The following ADAR variants were observed in gnomAD, a reference collection of about 807,000 sequenced individuals.
ADAR encodes the protein adenosine deaminase RNA specific.
Under a neutral mutation model 113.2 loss-of-function variants are expected in ADAR, and 41 were observed. That is an observed-to-expected ratio of 0.36 (90% CI 0.28 to 0.47). The LOEUF (loss-of-function observed/expected upper bound fraction) is 0.47. ADAR is among the 20% of genes least tolerant of loss of function. ADAR has a pLI of 1.00. For missense variants in ADAR, 1,242 were observed against 1,540.9 expected, an observed-to-expected ratio of 0.81 and a Z score of 3.25; for synonymous variants, 605 against 572.6, an observed-to-expected ratio of 1.06 and a Z score of -0.81.
upstream of ADAR, among the ~76,000 whole-genome samples, chr1:154,612,358 G>C (rs9427101): frequency 0.99 from 135,376 of 136,218 alleles, 67,272 homozygotes; most frequent in East Asian, 1. Flanking sequence ...GATGGAGTCT[G>C]GCTCTGTCAC....
At chr1:154,597,699 G>A (rs1697592665) in intron 4 of ADAR, 129 bp downstream of exon 4, 2 of 1,263,782 alleles carry the variant, frequency 1.6e-6, no homozygotes, top group Admixed American at 1.8e-5. Context: ...GGACCTCAGA[G>A]CCCTCCTTTC....
chr1:154,586,222 G>A lies in ADAR; in HGVS notation c.3161C>T (p.Thr1054Ile). The A allele has an allele frequency of 6.2e-7, 1 of 1,614,232 alleles. No homozygotes were observed. The highest frequency in any genetic ancestry group is 8.5e-7 in the Non-Finnish European group (1 of 1,180,044). Residue 1054 changes from threonine (T) to isoleucine (I), a missense_variant, in exon 12 of 15, where the codon ACC becomes ATC. Physicochemically the swap from Thr to Ile is moderately conservative, Grantham distance 89. Coordinates refer to ENST00000368474, the MANE Select transcript of ADAR (RefSeq NM_001111.5). ...NVLGLQGALLTHFLQPIYLKS... is the reference protein window; with the variant it reads ...NVLGLQGALLIHFLQPIYLKS... ...GAGATAAATGGGCTGCAGGAAGTGG[G>A]TCAACAGTGCCCCTTGCAGGCCCAG...
At chr1:154,623,793 A>T (rs1201869880) in intron 1 of ADAR, among the ~76,000 whole-genome samples, 1 of 152,132 alleles carries the variant, frequency 6.6e-6, no homozygotes, top group Non-Finnish European at 1.5e-5. Context: ...ACCTGAGGTC[A>T]GGAGTTCAAG....
At chr1:154,597,304 G>A (rs781339175) in intron 4 of ADAR, 37 bp from the exon 5 acceptor site, 1 of 1,613,336 alleles carries the variant, frequency 6.2e-7, no homozygotes, top group Admixed American at 1.7e-5. Flanking sequence ...GATTAAAATG[G>A]TTTTGACTGA....
intron 6 of ADAR, among the ~76,000 whole-genome samples, chr1:154,594,416 CCT>C (rs764591177): frequency 5.3e-5 from 8 of 152,196 alleles, no homozygotes; most frequent in Non-Finnish European, 8.8e-5. Flanking sequence ...TCACCTCTCC[CCT>C]CACTTTACAC....
intron 11 of ADAR, 38 bp from the exon 12 acceptor site, chr1:154,586,401 T>C (rs1247493785): frequency 1.9e-6 from 3 of 1,606,610 alleles, no homozygotes; most frequent in Middle Eastern, 3.9e-4. Flanking sequence ...CAGGCGCCAA[T>C]GGACCAAACC....
In ADAR at chr1:154,602,601, G is replaced by A. The variant is rs1367057702; in HGVS notation, c.41C>T (p.Thr14Ile). 2 of 1,614,130 alleles carry A rather than the reference G, an allele frequency of 1.2e-6. No homozygotes were observed. The highest frequency in any genetic ancestry group is 1.3e-5 in the African/African-American group (1 of 75,076). ...GTGCTCATAGCCTTGAAATGGATGGGTGTAGTATCCGCTGAGGGAATACCC... is the reference window on the plus strand; with the variant it reads ...GTGCTCATAGCCTTGAAATGGATGGATGTAGTATCCGCTGAGGGAATACCC... ...RQGYSLSGYY[T>I]HPFQGYEHRQ... The change falls in exon 2 of 15, where the codon ACC becomes ATC. Residue 14 changes from threonine to isoleucine, a missense_variant. By Grantham distance (89) the Thr-to-Ile change is moderately conservative. Coordinates refer to ENST00000368474, the MANE Select transcript of ADAR (RefSeq NM_001111.5).
rs78433898 is a variant in ADAR, at chr1:154,602,643, T to C, written c.16-17A>G. The C allele has an allele frequency of 4.3e-6, 7 of 1,612,774 alleles. No homozygotes were observed. The highest frequency in any genetic ancestry group is 3.3e-5 in the Admixed American group (2 of 59,986). Reference sequence around the variant, plus strand: ...GGAATACCCCTGCAGAATAAGACAGTGGAAAAAGAAAATGAATTAGGGCTG... The same window carrying C: ...GGAATACCCCTGCAGAATAAGACAGCGGAAAAAGAAAATGAATTAGGGCTG... On this transcript the variant is annotated splice_polypyrimidine_tract_variant and intron_variant, in intron 1 of 14. Transcript: ENST00000368474.
intron 7 of ADAR, 46 bp downstream of exon 7, chr1:154,590,138 A>AGGGGGGGGGGGGGG: frequency 2.6e-6 from 3 of 1,173,768 alleles, no homozygotes; most frequent in Non-Finnish European, 1.2e-6. Flanking sequence ...AGGAGTTAGG[A>AGGGGGGGGGGGGGG]GGACCCCCCC....
At chr1:154,622,069 G>A (rs960613172) in intron 1 of ADAR, among the ~76,000 whole-genome samples, 11 of 152,162 alleles carry the variant, frequency 7.2e-5, no homozygotes, top group Admixed American at 6.5e-5. Flanking sequence ...CTGAGGATGT[G>A]GGTTTAGGCC....
At chr1:154,627,945 C>T (rs758435323) in exon 1 of ADAR, 1 of 513,524 alleles carries the variant, frequency 1.9e-6, no homozygotes, top group Non-Finnish European at 3.9e-6. Flanking sequence ...ACCACGTAGC[C>T]TTCTCTACCT....
chr1:154,590,999 T>C (rs536242872), intron 6 of ADAR, among the ~76,000 whole-genome samples: 2 of 152,164 alleles, frequency 1.3e-5, no homozygotes, highest in Non-Finnish European at 2.9e-5. Flanking sequence ...TCCGTAATAC[T>C]AGGTATGAAA....
chr1:154,604,882 C>T (rs192363244), intron 1 of ADAR, among the ~76,000 whole-genome samples: 1 of 152,294 alleles, frequency 6.6e-6, no homozygotes, highest in Non-Finnish European at 1.5e-5. Flanking sequence ...TGTGTGGGAG[C>T]TTAAGATCTG....
chr1:154,600,566 TG>T (rs974032425), intron 2 of ADAR: 19 of 207,470 alleles, frequency 9.2e-5, no homozygotes, highest in Non-Finnish European at 2.0e-5. Flanking sequence ...CTCTGCCTCC[TG>T]GGTTCAAGTG....
At chr1:154,587,230 T>G (rs1696820006) in intron 11 of ADAR, among the ~76,000 whole-genome samples, 3 of 152,230 alleles carry the variant, frequency 2.0e-5, no homozygotes, top group Admixed American at 1.3e-4. Context: ...TTCATATAAA[T>G]GGAATCATAC....
rs1239762433 is a variant in ADAR at position 154,586,206 on chromosome 1, G to C, written c.3177C>G (p.Pro1059=). Residue 1059 remains proline (P), a synonymous_variant, in exon 12 of 15, where the codon CCC becomes CCG. Transcript: ENST00000368474. Reference sequence around the variant, plus strand: ...CCAATGTGACAGATTTGAGATAAATGGGCTGCAGGAAGTGGGTCAACAGTG... The same window carrying C: ...CCAATGTGACAGATTTGAGATAAATCGGCTGCAGGAAGTGGGTCAACAGTG... ...QGALLTHFLQ[P]IYLKSVTLGY... The C allele has an allele frequency of 6.2e-7, 1 of 1,614,202 alleles. No individual in the cohort carries two copies. Among genetic ancestry groups the C allele is most frequent in the Non-Finnish European group, 8.5e-7 (1 of 1,180,034 alleles).
chr1:154,584,844 GT>G lies in ADAR; in HGVS notation c.3642del (p.Lys1214AsnfsTer18). 1 of 1,614,068 alleles carries G rather than the reference GT, an allele frequency of 6.2e-7. No individual in the cohort carries two copies. The highest frequency in any genetic ancestry group is 8.5e-7 in the Non-Finnish European group (1 of 1,180,008). On this transcript the variant is annotated frameshift_variant, in exon 15 of 15. Coordinates refer to ENST00000368474, the MANE Select transcript of ADAR (RefSeq NM_001111.5). LOFTEE classifies it high-confidence loss of function. ...KDMGYGNWIS[K>X]PQEEKNFYLC... ...AGATAAAAGTTCTTTTCCTCCTGGG[GT>G]TTGCTAATCCAGTTCCCATAGCCCA...
At position 154,602,002 on chromosome 1, in the gene ADAR, C is replaced by T; in HGVS notation, c.640G>A (p.Asp214Asn). The part of the protein sequence containing the change: ...WNQHSGVVRP[D>N]GHSQGAPNSD... The stretch of plus-strand genomic sequence containing the variant: ...TTTGGGGCTCCTTGGCTATGACCGT[C>T]TGGTCTTACCACTCCGCTGTGCTGG... Residue 214 changes from aspartate (D) to asparagine (N), a missense_variant, in exon 2 of 15, where the codon GAC (aspartate) becomes AAC (asparagine). Asp to Asn is a conservative substitution (Grantham distance 23, BLOSUM62 1). Transcript: ENST00000368474. 6.2e-7 allele frequency: 1 copy of T among 1,614,254 alleles called. No homozygotes were observed. Among genetic ancestry groups the T allele is most frequent in the Non-Finnish European group, 8.5e-7 (1 of 1,180,044 alleles).
Position 154,588,268 on chromosome 1 carries a change from A to G in ADAR, c.2886-10T>C, listed in dbSNP as rs771848908. 3.2e-5 allele frequency: 52 copies of G among 1,613,188 alleles called. No homozygotes were observed. In the South Asian group the frequency reaches 5.3e-4, roughly 16 times the overall value. On this transcript the variant is annotated splice_polypyrimidine_tract_variant and intron_variant, in intron 10 of 14. Coordinates refer to ENST00000368474, the MANE Select transcript of ADAR (RefSeq NM_001111.5). ...TCCACACGGAGCAGTGCTGAAAAAC[A>G]GGGGTGGCTGTTAAAACTCACCTGT...
Sources: allele counts gnomAD v4.1 joint callset (sites outside exome capture counted in the v4.1 genomes callset), GRCh38; gene constraint gnomAD v4.1.1; transcripts MANE v1.5; gene names NCBI Gene and HGNC (gene_info 2026-07-23, HGNC 2026-07-21).